Variants in CDH13 observed in about 807,000 individuals in gnomAD.
CDH13 encodes the protein cadherin-13.
In CDH13, 24 loss-of-function variants were observed where a neutral mutation model predicts 63.8. The ratio of observed to expected loss-of-function variants is 0.38; its 90% CI spans 0.27 to 0.53. The LOEUF is 0.53. Among genes scored for constraint, CDH13 ranks in the 20% least tolerant of loss-of-function variants. The pLI is 0.85. For missense variants in CDH13, 1,049 were observed against 903.1 expected, an observed-to-expected ratio of 1.16 and a Z score of -2.07; for synonymous variants, 503 against 355.3, an observed-to-expected ratio of 1.42 and a Z score of -4.67.
At chr16:83,274,766 C>A (rs374715287) in intron 5 of CDH13, among the ~76,000 whole-genome samples, 2 of 152,178 alleles carry the variant, frequency 1.3e-5, no homozygotes, top group Non-Finnish European at 2.9e-5. Flanking sequence ...TTGGGCCCCA[C>A]GCCAGATCTA....
intron 4 of CDH13, among the ~76,000 whole-genome samples, chr16:83,180,386 T>G (rs1049839857): frequency 3.3e-5 from 5 of 152,180 alleles, no homozygotes; most frequent in African/African-American, 1.2e-4. Flanking sequence ...ACAAACTTCC[T>G]AGGAACTATC....
chr16:83,141,693 G>T (rs866453180), intron 4 of CDH13, among the ~76,000 whole-genome samples: 1 of 152,058 alleles, frequency 6.6e-6, no homozygotes, highest in Admixed American at 6.6e-5. Context: ...ACAGGCCCCA[G>T]TGTGTGATGT....
At chr16:82,835,069 T>C (rs1363265770) in intron 1 of CDH13, among the ~76,000 whole-genome samples, 1 of 152,184 alleles carries the variant, frequency 6.6e-6, no homozygotes, top group Non-Finnish European at 1.5e-5. Flanking sequence ...ACGTTAATTG[T>C]AGTGTGTTTT....
At chr16:82,635,441 G>C (rs1165656392) in intron 1 of CDH13, among the ~76,000 whole-genome samples, 1 of 152,198 alleles carries the variant, frequency 6.6e-6, no homozygotes, top group African/African-American at 2.4e-5. Flanking sequence ...CACAGCCAAG[G>C]CAGTGATGTG....
At chr16:83,521,778 G>A (rs1036901457) in intron 7 of CDH13, among the ~76,000 whole-genome samples, 9 of 152,194 alleles carry the variant, frequency 5.9e-5, no homozygotes, top group African/African-American at 2.2e-4. Flanking sequence ...CAGAGTTAGA[G>A]GGGCCTGGCT....
intron 3 of CDH13, among the ~76,000 whole-genome samples, chr16:83,056,893 C>T (rs1341273092): frequency 6.6e-6 from 1 of 152,162 alleles, no homozygotes; most frequent in African/African-American, 2.4e-5. Flanking sequence ...TCATCCTTCA[C>T]CTTCTGCCAT....
intron 4 of CDH13, among the ~76,000 whole-genome samples, chr16:83,188,472 G>A (rs2038594612): frequency 6.6e-6 from 1 of 152,132 alleles, no homozygotes; most frequent in Non-Finnish European, 1.5e-5. Context: ...GAGTCCTCTT[G>A]GTGGTTTTGT....
intron 1 of CDH13, among the ~76,000 whole-genome samples, chr16:82,845,628 A>G (rs1597784126): frequency 6.6e-6 from 1 of 152,156 alleles, no homozygotes; most frequent in African/African-American, 2.4e-5. Context: ...TGCCTGCCAC[A>G]TGGTAGGCAT....
At chr16:83,370,174 T>A (rs1015558608) in intron 6 of CDH13, among the ~76,000 whole-genome samples, 2 of 152,152 alleles carry the variant, frequency 1.3e-5, no homozygotes, top group African/African-American at 4.8e-5. Flanking sequence ...GATCGTGAAG[T>A]CAGGAGATTG....
chr16:83,378,984 C>T (rs8060805), intron 6 of CDH13, among the ~76,000 whole-genome samples: 134,363 of 151,416 alleles, frequency 0.89, 60,095 homozygotes, highest in East Asian at 0.95. Flanking sequence ...TGTATATACA[C>T]ATGCATCTAT....
At chr16:83,507,530 G>C (rs949530410) in intron 7 of CDH13, among the ~76,000 whole-genome samples, 30 of 152,110 alleles carry the variant, frequency 2.0e-4, no homozygotes, top group Admixed American at 2.0e-3. Context: ...ATAATTGGTT[G>C]CTACTCTGGA....
chr16:82,904,329 A>G (rs999076865), intron 2 of CDH13, among the ~76,000 whole-genome samples: 1 of 152,192 alleles, frequency 6.6e-6, no homozygotes, highest in African/African-American at 2.4e-5. Flanking sequence ...ATCCAAATCC[A>G]TTGCAAGTAG....
intron 1 of CDH13, among the ~76,000 whole-genome samples, chr16:82,831,644 C>T (rs1291110909): frequency 1.3e-5 from 2 of 152,164 alleles, no homozygotes; most frequent in Non-Finnish European, 2.9e-5. Context: ...CAATAACGTC[C>T]AGGTCATTTC....
At chr16:83,762,357 G>A (rs1376164057) in intron 11 of CDH13, among the ~76,000 whole-genome samples, 1 of 151,752 alleles carries the variant, frequency 6.6e-6, no homozygotes, top group Non-Finnish European at 1.5e-5. Flanking sequence ...AATGAACACA[G>A]AATTGCTGCC....
At chr16:83,372,227 G>A (rs1172009667) in intron 6 of CDH13, among the ~76,000 whole-genome samples, 1 of 152,184 alleles carries the variant, frequency 6.6e-6, no homozygotes, top group African/African-American at 2.4e-5. Flanking sequence ...TCAGGGAGGT[G>A]AAATATTTTA....
At chr16:82,997,395 G>T (rs1190825709) in intron 2 of CDH13, among the ~76,000 whole-genome samples, 1 of 151,976 alleles carries the variant, frequency 6.6e-6, no homozygotes, top group Non-Finnish European at 1.5e-5. Flanking sequence ...CTCTCTTTGG[G>T]TCCAAATTTA....
At chr16:83,209,029 C>T (rs1193225526) in intron 4 of CDH13, among the ~76,000 whole-genome samples, 1 of 152,132 alleles carries the variant, frequency 6.6e-6, no homozygotes, top group African/African-American at 2.4e-5. Flanking sequence ...TGCTGAACCC[C>T]TATCAACTCC....
chr16:82,705,560 A>G (rs529225311), intron 1 of CDH13, among the ~76,000 whole-genome samples: 7 of 152,306 alleles, frequency 4.6e-5, no homozygotes, highest in Admixed American at 4.6e-4. Context: ...GGTGATCCCA[A>G]GACTAATTCA....
At chr16:83,543,669 G>A (rs1316477561) in intron 7 of CDH13, among the ~76,000 whole-genome samples, 1 of 152,176 alleles carries the variant, frequency 6.6e-6, no homozygotes. Context: ...TTAGAGACAT[G>A]TTTTGGTTGT....
Sources: gnomAD v4.1 joint callset for allele counts (sites outside exome capture counted in the v4.1 genomes callset) on GRCh38, gnomAD v4.1.1 for gene constraint, MANE v1.5 for transcripts, NCBI Gene and HGNC (gene_info 2026-07-23, HGNC 2026-07-21) for gene names.